The following GABRR1 variants were observed in gnomAD, a reference collection of about 807,000 sequenced individuals.
The protein encoded by GABRR1 is gamma-aminobutyric acid receptor subunit rho-1.
GABRR1 carries 59 observed loss-of-function variants against 55.5 expected under a neutral mutation model. That is an observed-to-expected ratio of 1.06 (90% CI 0.86 to 1.32). GABRR1 has a LOEUF of 1.32. Ranked by LOEUF, GABRR1 falls within the 40% of genes most tolerant of loss-of-function variation. GABRR1 has a pLI of 0.00. For missense variants in GABRR1, 602 were observed against 619.1 expected (o/e 0.97, Z 0.29); for synonymous variants, 213 against 226.0 (o/e 0.94, Z 0.51).
chr6:89,181,883 A>G, intron 8 of GABRR1, 22 bp downstream of exon 8: 1 of 1,586,252 alleles, frequency 6.3e-7, no homozygotes, highest in Non-Finnish European at 8.6e-7. Context: ...TGCTTGGAAT[A>G]TGCACTTGAG....
chr6:89,204,685 A>G lies in GABRR1; in HGVS notation c.123-1200T>C, dbSNP rs1772588896. On this transcript the variant is annotated intron_variant, in intron 1 of 9. Transcript: ENST00000454853. The stretch of plus-strand genomic sequence containing the variant: ...GATGCCACTGCCTTTGCCTTCATGA[A>G]GCCTCGATTCTAGCCAAGAGAAGAC... 3 of 1,287,052 alleles carry G rather than the reference A, an allele frequency of 2.3e-6. No individual in the cohort carries two copies. In the African/African-American group the frequency reaches 4.6e-5, roughly 20 times the overall value. The allele number at this position is 1,287,052 out of a possible 1,614,324, so 79.7% of individuals were successfully genotyped here. A position where few individuals can be genotyped will look rare whatever the true frequency, so the allele number is the denominator to read the frequency against.
In GABRR1 at chr6:89,196,868, AAAGAAAG is replaced by A. The variant is rs1463340289; in HGVS notation, c.572+1145_572+1151del. Reference sequence around the variant, plus strand: ...GAAAGAAAGAAAGAAAGAAAGAAAGAAAGAAAGAAAGAGAAGAGAAGAAAAAAGAAAA... The same window carrying A: ...GAAAGAAAGAAAGAAAGAAAGAAAGAAAAGAGAAGAGAAGAAAAAAGAAAA... On this transcript the variant is annotated intron_variant, in intron 5 of 9. Transcript: ENST00000454853. Among the ~76,000 whole-genome samples the A allele has an allele frequency of 3.1e-4, 44 of 141,024 alleles. 1 individual carries two copies. The highest frequency in any genetic ancestry group is 7.0e-4 in the South Asian group (3 of 4,308). The allele number at this position is 141,024 out of a possible 152,430, so 92.5% of individuals were successfully genotyped here.
At chr6:89,222,214 C>T (rs1773124602), upstream of GABRR1, among the ~76,000 whole-genome samples, 1 of 152,196 alleles carries the variant, frequency 6.6e-6, no homozygotes, top group African/African-American at 2.4e-5. Context: ...AATGTGGTCT[C>T]TCAATGAGTC....
intron 1 of GABRR1, among the ~76,000 whole-genome samples, chr6:89,208,556 G>T (rs1772722475): frequency 6.6e-6 from 1 of 152,242 alleles, no homozygotes. Context: ...CCTCCATCAT[G>T]TGGGGAGCCC....
chr6:89,190,320 G>A (rs1172113353), intron 5 of GABRR1, 73 bp from the exon 6 acceptor site: 1 of 1,035,964 alleles, frequency 9.7e-7, no homozygotes, highest in Non-Finnish European at 1.4e-6. Context: ...AATGGAAAAG[G>A]CCTCTGCTTC....
At chr6:89,179,493 T>C (rs1771650046) in intron 9 of GABRR1, among the ~76,000 whole-genome samples, 1 of 152,182 alleles carries the variant, frequency 6.6e-6, no homozygotes, top group Non-Finnish European at 1.5e-5. Context: ...GTGCTGGGAT[T>C]ACAGGCGTGA....
rs1771866480 is a variant in GABRR1 at position 89,185,299 on chromosome 6, T to C, written c.796+11A>G. On this transcript the variant is annotated intron_variant, in intron 7 of 9. Coordinates refer to ENST00000454853, the MANE Select transcript of GABRR1 (RefSeq NM_002042.5). ...GCCTGCCCTGACTCTCAGCCCTCAC[T>C]CTACACTTACCTGTGCTGCTGTAGA... is the stretch of plus-strand genomic sequence containing the variant. 6.2e-7 allele frequency: 1 copy of C among 1,613,806 alleles called. No individual in the cohort carries two copies. The highest frequency in any genetic ancestry group is 1.7e-5 in the Admixed American group (1 of 59,984).
At chr6:89,200,842 G>A (rs1485869037) in intron 3 of GABRR1, among the ~76,000 whole-genome samples, 4 of 152,118 alleles carry the variant, frequency 2.6e-5, no homozygotes, top group African/African-American at 9.7e-5. Context: ...GTATTTTTAG[G>A]AGGCCGCATT....
chr6:89,204,419 G>A lies in GABRR1; in HGVS notation c.123-934C>T, dbSNP rs9342185. On this transcript the variant is annotated intron_variant, in intron 1 of 9. Transcript: ENST00000454853. ...GGGCAGCGTGAGGCCGAAGGACACC[G>A]GGGACAAAGTTCTCTTTGCATTCAG... Among the ~76,000 whole-genome samples the A allele has an allele frequency of 7.8e-3, 1,183 of 152,216 alleles. 20 individuals carry two copies. The highest frequency in any genetic ancestry group is 0.027 in the African/African-American group (1,123 of 41,544).
intron 1 of GABRR1, chr6:89,204,783 C>T (rs1310532378): frequency 7.3e-6 from 4 of 548,310 alleles, no homozygotes; most frequent in Non-Finnish European, 1.1e-5. Flanking sequence ...TGTTTACATG[C>T]CCATGTAAAA....
chr6:89,185,189 T>A (rs1250282319), intron 7 of GABRR1, 121 bp downstream of exon 7: 32 of 1,309,374 alleles, frequency 2.4e-5, no homozygotes, highest in Non-Finnish European at 3.3e-5. Flanking sequence ...CTGTCTTTAG[T>A]TTCAAATATA....
intron 4 of GABRR1, among the ~76,000 whole-genome samples, chr6:89,198,807 G>T (rs1772379546): frequency 6.6e-6 from 1 of 151,886 alleles, no homozygotes; most frequent in Non-Finnish European, 1.5e-5. Flanking sequence ...CTCTGTTCTG[G>T]TGTTTCCCAG....
chr6:89,191,950 G>A (rs1772103691), intron 5 of GABRR1, among the ~76,000 whole-genome samples: 2 of 151,990 alleles, frequency 1.3e-5, no homozygotes, highest in South Asian at 2.1e-4. Context: ...GCTGAGGCAG[G>A]AGAACTGCTT....
At position 89,178,067 on chromosome 6, in the gene GABRR1, T is replaced by C. The variant is rs1224725688; in HGVS notation, c.*703A>G. 6.6e-6 allele frequency: 1 copy of C among 152,208 alleles called. No homozygotes were observed. The highest frequency in any genetic ancestry group is 1.5e-5 in the Non-Finnish European group (1 of 68,082). The allele number at this position is 152,208 out of a possible 1,614,324, so 9.4% of individuals were successfully genotyped here. On this transcript the variant is annotated 3_prime_UTR_variant, in exon 10 of 10. Coordinates refer to ENST00000454853, the MANE Select transcript of GABRR1 (RefSeq NM_002042.5). ...AAATTTTCTAGCCTAGTTACCTCTA[T>C]GACACAACAGACAAAATGCATGTGT...
At chr6:89,201,925 T>C (rs1772487866) in intron 2 of GABRR1, among the ~76,000 whole-genome samples, 1 of 152,172 alleles carries the variant, frequency 6.6e-6, no homozygotes, top group South Asian at 2.1e-4. Context: ...TCTAGTCTTG[T>C]TATTAATAGC....
At chr6:89,199,829 G>T (rs966931207) in intron 3 of GABRR1, among the ~76,000 whole-genome samples, 1 of 152,160 alleles carries the variant, frequency 6.6e-6, no homozygotes. Context: ...GGCGTTGTTT[G>T]GTAATAGGAA....
At position 89,223,610 on chromosome 6, in the gene GABRR1, T is replaced by C. The variant is rs532559078; in HGVS notation, c.-410-2164A>G. On this transcript the variant is annotated intron_variant, in intron 1 of 11. Transcript: ENST00000369451. ...AAATGGTAGTTTCTACTTTTAGTTC[T>C]CTAAGGAATCTCCACACTGTTTTCC... 3.3e-5 allele frequency among the ~76,000 whole-genome samples: 5 copies of C among 152,322 alleles called. No individual in the cohort carries two copies. In the South Asian group the frequency reaches 8.3e-4, roughly 25 times the overall value.
rs1228679382 is a variant in GABRR1, at chr6:89,212,182, C to T, written c.122+5019G>A. ...TCAGTCGTACAATCCAAAGACCTGC[C>T]GAACATTCACCCTAAACTTCTCTCT... On this transcript the variant is annotated intron_variant, in intron 1 of 9. Coordinates refer to ENST00000454853, the MANE Select transcript of GABRR1 (RefSeq NM_002042.5). The T allele has an allele frequency of 1.1e-5, 7 of 615,054 alleles. 2 individuals carry two copies. The highest frequency in any genetic ancestry group is 2.6e-4 in the East Asian group (2 of 7,592). 38.1% of individuals were successfully genotyped at this position (615,054 alleles called of 1,614,324 possible). A position where few individuals can be genotyped will look rare whatever the true frequency, so the allele number is the denominator to read the frequency against.
chr6:89,217,214 A>C lies in GABRR1; in HGVS notation c.109T>G (p.Ser37Ala), dbSNP rs2127809519. 2 of 1,614,008 alleles carry C rather than the reference A, an allele frequency of 1.2e-6. No individual in the cohort carries two copies. The highest frequency in any genetic ancestry group is 1.7e-6 in the Non-Finnish European group (2 of 1,179,992). The change falls in exon 1 of 10, where the codon TCT (serine) becomes GCT (alanine). Residue 37 changes from serine (S) to alanine (A), a missense_variant. Physicochemically the swap from Ser to Ala is moderately conservative, Grantham distance 99. Around this residue, in one of 3 missense-constraint regions of GABRR1, gnomAD observed 435 missense variants for 424.2 expected, o/e 1.03. Transcript: ENST00000454853. ...ATGTCCACTCACCTGCCTTTCTTAG[A>C]CATCTCGTGGACTTCTCTTCCGGGC... ...HWPGREVHEM[S>A]KKGRPQRQRR...
Sources: gnomAD v4.1 joint callset for allele counts (sites outside exome capture counted in the v4.1 genomes callset) on GRCh38, gnomAD v4.1.1 for gene constraint, gnomAD v4.1.1 regional missense constraint, MANE v1.5 for transcripts, NCBI Gene and HGNC (gene_info 2026-07-23, HGNC 2026-07-21) for gene names.